Variants in UBR2 observed in about 807,000 individuals in gnomAD.
UBR2 encodes the protein ubiquitin protein ligase E3 component n-recognin 2, also known as E3 ubiquitin-protein ligase UBR2.
UBR2 carries 92 observed loss-of-function variants against 247.9 expected under a neutral mutation model. The observed-to-expected ratio is 0.37, with a 90% CI of 0.31 to 0.44. The LOEUF is 0.44. UBR2 is among the 20% of genes least tolerant of loss of function. The pLI, the probability that UBR2 is intolerant of heterozygous loss-of-function variation, is 1.00. For synonymous variants in UBR2, 672 were observed against 693.5 expected (o/e 0.97, Z 0.49); for missense variants, 1,613 against 2,112.6 (o/e 0.76, Z 4.64).
At chr6:42,671,298 T>A (rs953531078) in intron 36 of UBR2, among the ~76,000 whole-genome samples, 4 of 151,640 alleles carry the variant, frequency 2.6e-5, no homozygotes, top group Non-Finnish European at 5.9e-5. Context: ...TGGTCCCAAC[T>A]ACTTAAGAGG....
Position 42,692,456 on chromosome 6 carries a change from A to G in UBR2, c.*1283A>G, listed in dbSNP as rs1799795584. 6.6e-6 allele frequency: 1 copy of G among 152,190 alleles called. No individual in the cohort carries two copies. Among genetic ancestry groups the G allele is most frequent in the Non-Finnish European group, 1.5e-5 (1 of 68,024 alleles). 9.4% of individuals were successfully genotyped at this position (152,190 alleles called of 1,614,324 possible). A position where few individuals can be genotyped will look rare whatever the true frequency, so the allele number is the denominator to read the frequency against. On this transcript the variant is annotated 3_prime_UTR_variant, in exon 47 of 47. Coordinates refer to ENST00000372901, the MANE Select transcript of UBR2 (RefSeq NM_001363705.2). ...ACAAAATAGCTTATAATTATTATGTACCACACAACTACTATTGTTTGATGT... is the reference window on the plus strand; with the variant it reads ...ACAAAATAGCTTATAATTATTATGTGCCACACAACTACTATTGTTTGATGT...
intron 2 of UBR2, among the ~76,000 whole-genome samples, chr6:42,586,467 A>G (rs1792269435): frequency 6.7e-6 from 1 of 150,094 alleles, no homozygotes; most frequent in Admixed American, 6.6e-5. Context: ...GTAATTATTG[A>G]TATGCTTATA....
chr6:42,683,200 C>A, intron 43 of UBR2, 89 bp downstream of exon 43: 2 of 1,109,976 alleles, frequency 1.8e-6, no homozygotes, highest in South Asian at 1.4e-5. Flanking sequence ...AAACTGACTT[C>A]TCAAGCCTTT....
intron 38 of UBR2, among the ~76,000 whole-genome samples, chr6:42,675,276 G>A (rs16895953): frequency 0.026 from 4,024 of 152,224 alleles, 161 homozygotes; most frequent in African/African-American, 0.092. Context: ...TTTTACATAC[G>A]TTCACACTTA....
intron 1 of UBR2, among the ~76,000 whole-genome samples, chr6:42,572,943 GATCT>G: frequency 6.6e-6 from 1 of 152,154 alleles, no homozygotes; most frequent in African/African-American, 2.4e-5. Context: ...GACCTCAGGT[GATCT>G]GCTTGGCCTG....
In UBR2 at chr6:42,579,756, C is replaced by A. The variant is rs560683796; in HGVS notation, c.338+5763C>A. On this transcript the variant is annotated intron_variant, in intron 2 of 46. Transcript: ENST00000372901. ...ACTCCTGGATCAAGAGATCCTCCCA[C>A]CTTGGCCTCCCAAAGTGCTGGGATT... Among the ~76,000 whole-genome samples the A allele has an allele frequency of 1.9e-3, 285 of 152,326 alleles. 2 individuals carry two copies. Among genetic ancestry groups the A allele is most frequent in the African/African-American group, 6.6e-3 (275 of 41,576 alleles).
chr6:42,666,149 A>G lies in UBR2; in HGVS notation c.3803-18A>G, dbSNP rs1008993767. ...TTGTCATCTATTGAATAATAGTATA[A>G]AATGCCTGTTTCTATAGATAATGCC... On this transcript the variant is annotated intron_variant, in intron 33 of 46. Transcript: ENST00000372901. 2 of 1,597,034 alleles carry G rather than the reference A, an allele frequency of 1.3e-6. No individual in the cohort carries two copies. The highest frequency in any genetic ancestry group is 1.7e-6 in the Non-Finnish European group (2 of 1,168,364).
chr6:42,611,147 T>A, intron 7 of UBR2, among the ~76,000 whole-genome samples: 1 of 143,364 alleles, frequency 7.0e-6, no homozygotes. Context: ...TGCCCAGCCA[T>A]GATTTAAAAA....
At chr6:42,627,333 G>A (rs928976888) in intron 11 of UBR2, among the ~76,000 whole-genome samples, 1 of 152,136 alleles carries the variant, frequency 6.6e-6, no homozygotes, top group African/African-American at 2.4e-5. Context: ...ATCTGTAGGA[G>A]CAAGTGGGGG....
intron 8 of UBR2, among the ~76,000 whole-genome samples, chr6:42,614,415 C>CGTACGTACATATATATGTAT (rs1794388596): frequency 4.5e-5 from 4 of 89,184 alleles, no homozygotes; most frequent in African/African-American, 9.7e-5. Context: ...TATGTATGTA[C>CGTACGTACATATATATGTAT]GTACGTACAT....
At chr6:42,644,893 G>C (rs183932876) in intron 20 of UBR2, among the ~76,000 whole-genome samples, 8 of 152,024 alleles carry the variant, frequency 5.3e-5, no homozygotes, top group Non-Finnish European at 5.9e-5. Context: ...TCTCTCCATG[G>C]GTTTGTGGTA....
intron 21 of UBR2, 83 bp downstream of exon 21, chr6:42,645,673 T>C (rs1796710648): frequency 1.4e-6 from 2 of 1,399,562 alleles, no homozygotes; most frequent in Admixed American, 2.1e-5. Context: ...TACTTCTGTA[T>C]ACCTTTCTCA....
At chr6:42,566,407 A>C (rs1338958392) in intron 1 of UBR2, among the ~76,000 whole-genome samples, 1 of 152,166 alleles carries the variant, frequency 6.6e-6, no homozygotes, top group Non-Finnish European at 1.5e-5. Flanking sequence ...TGTTTTTTTG[A>C]GACAGTCTTG....
rs1446350486 is a variant in UBR2, at chr6:42,564,171, C to G, written c.-149C>G. 9 of 832,312 alleles carry G rather than the reference C, an allele frequency of 1.1e-5. No homozygotes were observed. Among genetic ancestry groups the G allele is most frequent in the Middle Eastern group, 7.1e-4 (2 of 2,836 alleles). The allele number at this position is 832,312 out of a possible 1,614,324, so 51.6% of individuals were successfully genotyped here. A position where few individuals can be genotyped will look rare whatever the true frequency, so the allele number is the denominator to read the frequency against. On this transcript the variant is annotated 5_prime_UTR_variant, in exon 1 of 47. Coordinates refer to ENST00000372901, the MANE Select transcript of UBR2 (RefSeq NM_001363705.2). ...TCCTTCCTTTCCGGTTCACGTCACCCTTCTCTCCCTCTGTTGCTCCACCTG... is the reference window on the plus strand; with the variant it reads ...TCCTTCCTTTCCGGTTCACGTCACCGTTCTCTCCCTCTGTTGCTCCACCTG...
Position 42,625,688 on chromosome 6 carries a change from G to C in UBR2, c.1282-6864G>C, listed in dbSNP as rs144081175. Among the ~76,000 whole-genome samples the C allele has an allele frequency of 3.0e-3, 452 of 152,200 alleles. 3 individuals are homozygous for C. Among genetic ancestry groups the C allele is most frequent in the African/African-American group, 0.01 (431 of 41,520 alleles). On this transcript the variant is annotated intron_variant, in intron 11 of 46. Transcript: ENST00000372901. Reference sequence around the variant, plus strand: ...TGGTCTCAAGCTCCTGGCCTCATGTGATCTGCCTACCTCAACCTCCCAAAG... The same window carrying C: ...TGGTCTCAAGCTCCTGGCCTCATGTCATCTGCCTACCTCAACCTCCCAAAG...
intron 41 of UBR2, 66 bp downstream of exon 41, chr6:42,678,735 ATCACTTGC>A: frequency 6.5e-7 from 1 of 1,527,250 alleles, no homozygotes; most frequent in Non-Finnish European, 8.8e-7. Context: ...AAATATAAAG[ATCACTTGC>A]AAAAATGAAA....
At chr6:42,582,957 C>G (rs183961710) in intron 2 of UBR2, among the ~76,000 whole-genome samples, 1 of 152,068 alleles carries the variant, frequency 6.6e-6, no homozygotes. Flanking sequence ...CATCCAGCTT[C>G]TCTTGTGAAG....
At chr6:42,669,952 C>T (rs971530868) in intron 34 of UBR2, 140 bp from the exon 35 acceptor site, 40 of 1,066,064 alleles carry the variant, frequency 3.8e-5, no homozygotes, top group Non-Finnish European at 5.2e-5. Context: ...TTTGCATTAT[C>T]TCTGATCACT....
In UBR2 at chr6:42,642,989, C is replaced by T. The variant is rs147637662; in HGVS notation, c.2097+508C>T. ...CTAAGTTACCCACCCCTTCTTTTTC[C>T]ATTTACGTAGCTAACTTATTTTCCT... On this transcript the variant is annotated intron_variant, in intron 18 of 46. Transcript: ENST00000372901. 2.7e-3 allele frequency among the ~76,000 whole-genome samples: 408 copies of T among 152,164 alleles called. 4 individuals carry two copies. The highest frequency in any genetic ancestry group is 0.017 in the Middle Eastern group (5 of 294).
Sources: gnomAD v4.1 joint callset for allele counts (sites outside exome capture counted in the v4.1 genomes callset) on GRCh38, gnomAD v4.1.1 for gene constraint, MANE v1.5 for transcripts, NCBI Gene and HGNC (gene_info 2026-07-23, HGNC 2026-07-21) for gene names.